The following PFDN1 variants were observed in gnomAD, a reference collection of about 807,000 sequenced individuals.
The protein encoded by PFDN1 is prefoldin 1.
Under a neutral mutation model 17.3 loss-of-function variants are expected in PFDN1, and 6 were observed. The ratio of observed to expected loss-of-function variants is 0.35; its 90% CI spans 0.19 to 0.69. The LOEUF (loss-of-function observed/expected upper bound fraction) is 0.69. PFDN1 is among the 30% of genes least tolerant of loss of function. PFDN1 has a pLI of 0.65. For missense variants in PFDN1, 113 were observed against 146.2 expected (o/e 0.77, Z 1.17); for synonymous variants, 58 against 50.1 (o/e 1.16, Z -0.67).
At chr5:140,301,590 C>G (rs1765747705) in intron 1 of PFDN1, among the ~76,000 whole-genome samples, 1 of 151,888 alleles carries the variant, frequency 6.6e-6, no homozygotes, top group Non-Finnish European at 1.5e-5. Context: ...TTTGTCTCCA[C>G]CCAAAAAAAG....
chr5:140,302,616 A>T (rs1384799827), intron 1 of PFDN1, among the ~76,000 whole-genome samples: 3 of 152,218 alleles, frequency 2.0e-5, no homozygotes, highest in Non-Finnish European at 2.9e-5. Flanking sequence ...TAAATGGCCT[A>T]AAAACAAAGG....
chr5:140,268,460 C>T (rs768167841), intron 3 of PFDN1, among the ~76,000 whole-genome samples: 9 of 152,048 alleles, frequency 5.9e-5, no homozygotes, highest in Non-Finnish European at 1.3e-4. Context: ...TCAGCCTGGC[C>T]AACGTGGTGA....
At position 140,302,893 on chromosome 5, in the gene PFDN1, A is replaced by G. The variant is rs117803795; in HGVS notation, c.33+148T>C. 889 of 718,268 alleles carry G rather than the reference A, an allele frequency of 1.2e-3. 8 individuals carry two copies. The East Asian group carries it at 0.019, about 15-fold the overall frequency. 44.5% of individuals were successfully genotyped at this position (718,268 alleles called of 1,614,324 possible). ...CCCCCCACCCCGTTTATGGAGACCCAGTGAGGCCTTAGGACTCTGGGAAAC... is the reference window on the plus strand; with the variant it reads ...CCCCCCACCCCGTTTATGGAGACCCGGTGAGGCCTTAGGACTCTGGGAAAC... On this transcript the variant is annotated intron_variant, in intron 1 of 3. Transcript: ENST00000261813.
intron 3 of PFDN1, among the ~76,000 whole-genome samples, chr5:140,260,916 C>T (rs576682448): frequency 3.3e-5 from 5 of 152,082 alleles, no homozygotes; most frequent in East Asian, 1.9e-4. Context: ...AATTCCAGCA[C>T]TTTGGGAGGC....
intron 3 of PFDN1, chr5:140,262,604 A>C: frequency 2.2e-6 from 1 of 454,940 alleles, no homozygotes; most frequent in Non-Finnish European, 4.4e-6. Context: ...GGAATGAAAA[A>C]AACAAGTTGT....
chr5:140,281,164 A>T, intron 3 of PFDN1: 9 of 226,060 alleles, frequency 4.0e-5, no homozygotes, highest in East Asian at 1.1e-4. Context: ...TGTTTTTTTT[A>T]AAGAATAAAC....
intron 3 of PFDN1, among the ~76,000 whole-genome samples, chr5:140,268,599 T>A (rs888548485): frequency 2.0e-5 from 3 of 152,084 alleles, no homozygotes; most frequent in African/African-American, 7.2e-5. Context: ...GAGCCAAGAA[T>A]GCACCACTGC....
intron 3 of PFDN1, among the ~76,000 whole-genome samples, chr5:140,276,946 T>C (rs529812146): frequency 2.0e-4 from 30 of 152,054 alleles, no homozygotes; most frequent in African/African-American, 6.7e-4. Flanking sequence ...TTGGGCACAG[T>C]GGCTCACTCA....
chr5:140,259,326 A>C (rs1765031198), intron 3 of PFDN1, among the ~76,000 whole-genome samples: 1 of 152,108 alleles, frequency 6.6e-6, no homozygotes, highest in Non-Finnish European at 1.5e-5. Flanking sequence ...AATAACGTTA[A>C]CTCCTATCTT....
At chr5:140,285,316 C>G (rs570301703) in intron 2 of PFDN1, among the ~76,000 whole-genome samples, 2 of 150,842 alleles carry the variant, frequency 1.3e-5, no homozygotes, top group Non-Finnish European at 3.0e-5. Flanking sequence ...CCACTGCACT[C>G]CAGCCTGGGC....
Position 140,254,779 on chromosome 5 carries a change from C to G in PFDN1, c.286-8722G>C, listed in dbSNP as rs113359257. ...TCTCGCTCCAGCATTTCTTCAACCT[C>G]GTCACGCAACAACTTGTTCATTTTC... On this transcript the variant is annotated intron_variant, in intron 3 of 3. Transcript: ENST00000261813. This position sits in a 1 kb window ranked among gnomAD's most constrained non-coding sequence, Gnocchi z 4.4. 1.6e-3 allele frequency among the ~76,000 whole-genome samples: 246 copies of G among 152,352 alleles called. 1 individual carries two copies. The highest frequency in any genetic ancestry group is 5.8e-3 in the African/African-American group (242 of 41,582).
rs1764818882 is a variant in PFDN1 at position 140,245,690 on chromosome 5, C to T, written c.*284G>A. 9.5e-6 allele frequency: 6 copies of T among 629,198 alleles called. No homozygotes were observed. The East Asian group carries it at 1.6e-4, about 17-fold the overall frequency. 39.0% of individuals were successfully genotyped at this position (629,198 alleles called of 1,614,324 possible). A position where few individuals can be genotyped will look rare whatever the true frequency, so the allele number is the denominator to read the frequency against. ...TGGCGTGCCTAGTGGAAAGCTCAGG[C>T]AGAGCTTCCTATCTTGCCCTGGCTC... On this transcript the variant is annotated 3_prime_UTR_variant, in exon 4 of 4. Transcript: ENST00000261813.
chr5:140,256,658 CA>C (rs757723797), intron 3 of PFDN1, among the ~76,000 whole-genome samples: 478 of 39,884 alleles, frequency 0.012, 1 homozygote, highest in Middle Eastern at 0.036. Flanking sequence ...CAAAAAATGA[CA>C]AAAAAAAAAA....
intron 3 of PFDN1, among the ~76,000 whole-genome samples, chr5:140,269,388 T>G (rs1765174452): frequency 6.6e-6 from 1 of 151,766 alleles, no homozygotes; most frequent in African/African-American, 2.4e-5. Context: ...GCATGATCTC[T>G]GCTCACCGCA....
At position 140,282,200 on chromosome 5, in the gene PFDN1, A is replaced by T. The variant is rs1434427360; in HGVS notation, c.201-667T>A. On this transcript the variant is annotated intron_variant, in intron 2 of 3. Transcript: ENST00000261813. ...AGATCCTGTCTTAAAAACATTAAAA[A>T]AAAAAAAAAAAAGAAAAGAAAATCA... 1.3e-5 allele frequency: 2 copies of T among 151,114 alleles called. 1 individual carries two copies. The highest frequency in any genetic ancestry group is 3.0e-5 in the Non-Finnish European group (2 of 67,764). The allele number at this position is 151,114 out of a possible 1,614,324, so 9.4% of individuals were successfully genotyped here.
intron 3 of PFDN1, among the ~76,000 whole-genome samples, chr5:140,257,485 G>C (rs978942718): frequency 3.3e-5 from 5 of 152,172 alleles, no homozygotes; most frequent in African/African-American, 1.2e-4. Context: ...GTGGCTGTCT[G>C]CTTCTTTTCA....
At chr5:140,277,551 C>T (rs1765314962) in intron 3 of PFDN1, among the ~76,000 whole-genome samples, 1 of 151,058 alleles carries the variant, frequency 6.6e-6, no homozygotes, top group South Asian at 2.1e-4. Context: ...GGAAACCCAA[C>T]AAATTCTAAC....
chr5:140,257,943 CA>C (rs1275768555), intron 3 of PFDN1, among the ~76,000 whole-genome samples: 2 of 152,142 alleles, frequency 1.3e-5, no homozygotes, highest in African/African-American at 4.8e-5. Context: ...GAAGGATGAG[CA>C]GGAATTAACA....
chr5:140,285,817 C>A (rs1437859007), intron 2 of PFDN1, among the ~76,000 whole-genome samples: 2 of 151,864 alleles, frequency 1.3e-5, no homozygotes, highest in African/African-American at 4.8e-5. Flanking sequence ...CACACTGGCA[C>A]AGAAATAGGA....
Sources: allele counts gnomAD v4.1 joint callset (sites outside exome capture counted in the v4.1 genomes callset), GRCh38; gene constraint gnomAD v4.1.1; non-coding constraint Gnocchi (gnomAD v3.1); transcripts MANE v1.5; gene names NCBI Gene and HGNC (gene_info 2026-07-23, HGNC 2026-07-21).